HS3ST5: variants seen among roughly 807,000 people sequenced by gnomAD.
HS3ST5 encodes heparan sulfate-glucosamine 3-sulfotransferase 5.
In HS3ST5, 10 loss-of-function variants were observed where a neutral mutation model predicts 25.4. That is an observed-to-expected ratio of 0.39 (90% CI 0.24 to 0.67). The LOEUF (loss-of-function observed/expected upper bound fraction) is 0.67, where lower values mean the gene tolerates loss of function less well. Among genes scored for constraint, HS3ST5 ranks in the 30% least tolerant of loss-of-function variants. The probability of loss-of-function intolerance (pLI) is 0.44; values close to 1 mark genes in which losing one functional copy is unlikely to be tolerated. For synonymous variants in HS3ST5, 170 were observed against 162.4 expected (o/e 1.05, Z -0.36); for missense variants, 324 against 420.7 (o/e 0.77, Z 2.01).
At chr6:114,218,863 A>G (rs1781894789) in intron 2 of HS3ST5, among the ~76,000 whole-genome samples, 1 of 152,220 alleles carries the variant, frequency 6.6e-6, no homozygotes, top group Non-Finnish European at 1.5e-5. Flanking sequence ...TTATTTAGAT[A>G]TGAAATATAG....
At chr6:114,277,081 C>CA (rs1773889286) in intron 1 of HS3ST5, among the ~76,000 whole-genome samples, 1 of 151,904 alleles carries the variant, frequency 6.6e-6, no homozygotes, top group South Asian at 2.1e-4. Flanking sequence ...ATTCTATAGT[C>CA]AGAGTATTTT....
intron 1 of HS3ST5, among the ~76,000 whole-genome samples, chr6:114,291,038 G>A (rs944084635): frequency 5.3e-5 from 8 of 151,948 alleles, no homozygotes; most frequent in African/African-American, 1.7e-4. Context: ...GGTACACCAG[G>A]TACTCTTTCT....
intron 1 of HS3ST5, among the ~76,000 whole-genome samples, chr6:114,266,600 C>T (rs1216334476): frequency 3.3e-5 from 5 of 152,194 alleles, no homozygotes; most frequent in South Asian, 2.1e-4. Flanking sequence ...CATCAAATTA[C>T]GAAGAACAGA....
intron 2 of HS3ST5, among the ~76,000 whole-genome samples, chr6:114,188,212 G>A (rs1032970391): frequency 6.6e-6 from 1 of 152,048 alleles, no homozygotes; most frequent in Non-Finnish European, 1.5e-5. Context: ...GGGGTAAGTC[G>A]ACACTTATCC....
chr6:114,072,474 G>T (rs527756260), intron 3 of HS3ST5, among the ~76,000 whole-genome samples: 1 of 152,054 alleles, frequency 6.6e-6, no homozygotes, highest in Non-Finnish European at 1.5e-5. Flanking sequence ...TAAAGCAAAG[G>T]TAATAAATTT....
chr6:114,187,595 C>G (rs1009572507), intron 2 of HS3ST5, among the ~76,000 whole-genome samples: 1 of 152,144 alleles, frequency 6.6e-6, no homozygotes, highest in Non-Finnish European at 1.5e-5. Context: ...ATGAAATTTG[C>G]TCTTGCTGAA....
Position 114,333,987 on chromosome 6 carries a change from C to G in HS3ST5, c.-339+8208G>C, listed in dbSNP as rs555249907. Among the ~76,000 whole-genome samples, 3 of 152,266 alleles carry G rather than the reference C, an allele frequency of 2.0e-5. 1 individual carries two copies. The East Asian group carries it at 5.8e-4, about 29-fold the overall frequency. ...TCAGTCCCACATACAACCTTGTACCCGTCTTGTGCTCTGCCTCTGCCCAGT... is the reference window on the plus strand; with the variant it reads ...TCAGTCCCACATACAACCTTGTACCGGTCTTGTGCTCTGCCTCTGCCCAGT... On this transcript the variant is annotated intron_variant, in intron 1 of 4. Coordinates refer to ENST00000312719, the MANE Select transcript of HS3ST5 (RefSeq NM_153612.4).
Position 114,341,187 on chromosome 6 carries a change from G to A in HS3ST5, c.-339+1008C>T, listed in dbSNP as rs78577868. Among the ~76,000 whole-genome samples the A allele has an allele frequency of 6.5e-3, 412 of 63,000 alleles. 1 individual carries two copies. The highest frequency in any genetic ancestry group is 8.4e-3 in the African/African-American group (107 of 12,796). The allele number at this position is 63,000 out of a possible 152,430, so 41.3% of individuals were successfully genotyped here. ...GGGAGGGAGGGAGGGAGAGGGAGAG[G>A]GAGAGGGAGAGGGAGAGGGAATAGG... is the stretch of plus-strand genomic sequence containing the variant. On this transcript the variant is annotated intron_variant, in intron 1 of 4. Transcript: ENST00000312719.
chr6:114,218,781 T>A (rs1463232399), intron 2 of HS3ST5, among the ~76,000 whole-genome samples: 2 of 152,238 alleles, frequency 1.3e-5, no homozygotes, highest in Non-Finnish European at 2.9e-5. Context: ...GGAAATATAC[T>A]CTTGCTGTTA....
chr6:114,067,425 T>G (rs1773518701), intron 3 of HS3ST5, among the ~76,000 whole-genome samples: 1 of 152,178 alleles, frequency 6.6e-6, no homozygotes, highest in Admixed American at 6.5e-5. Flanking sequence ...GAAGAAGTAG[T>G]GCAAGATTTA....
At chr6:114,134,991 G>C (rs1777522824) in intron 3 of HS3ST5, among the ~76,000 whole-genome samples, 1 of 152,224 alleles carries the variant, frequency 6.6e-6, no homozygotes, top group Admixed American at 6.5e-5. Context: ...AACACCAGGG[G>C]AGCAGGTGGA....
At position 114,342,610 on chromosome 6, in the gene HS3ST5, C is replaced by CGG. The variant is rs1776935533; in HGVS notation, c.-755_-754insCC. On this transcript the variant is annotated 5_prime_UTR_variant, in exon 1 of 5. The change abolishes the stop of an existing upstream ORF in the 5' untranslated region. Coordinates refer to ENST00000312719, the MANE Select transcript of HS3ST5 (RefSeq NM_153612.4). ...GCGGCCGCAGGAGCCGGAGTCCGCG[C>CGG]AGTGCCGGAGACCGCAGCCGCTCTG... 1 of 153,786 alleles carries CGG rather than the reference C, an allele frequency of 6.5e-6. No individual in the cohort carries two copies. The highest frequency in any genetic ancestry group is 6.5e-5 in the Admixed American group (1 of 15,284). The allele number at this position is 153,786 out of a possible 1,614,324, so 9.5% of individuals were successfully genotyped here.
At chr6:114,252,465 A>G (rs1200074636) in intron 1 of HS3ST5, among the ~76,000 whole-genome samples, 1 of 152,218 alleles carries the variant, frequency 6.6e-6, no homozygotes, top group African/African-American at 2.4e-5. Context: ...TTGTTTAAGA[A>G]TATCCTGAAC....
At chr6:114,162,688 C>A (rs1414673199) in intron 3 of HS3ST5, among the ~76,000 whole-genome samples, 12 of 152,286 alleles carry the variant, frequency 7.9e-5, no homozygotes, top group Admixed American at 4.6e-4. Flanking sequence ...CTTGCACAAA[C>A]CTTCAGAACA....
intron 1 of HS3ST5, among the ~76,000 whole-genome samples, chr6:114,277,469 T>C (rs1320258255): frequency 6.8e-6 from 1 of 146,610 alleles, no homozygotes; most frequent in Non-Finnish European, 1.5e-5. Context: ...ACCAACCTAA[T>C]ACACTGCTGC....
At chr6:114,210,447 A>T (rs927834649) in intron 2 of HS3ST5, among the ~76,000 whole-genome samples, 1 of 152,220 alleles carries the variant, frequency 6.6e-6, no homozygotes, top group African/African-American at 2.4e-5. Flanking sequence ...TCTCCAGCTT[A>T]AGCAGCGGCA....
intron 3 of HS3ST5, among the ~76,000 whole-genome samples, chr6:114,161,236 T>C (rs1166937718): frequency 6.6e-6 from 1 of 151,816 alleles, no homozygotes; most frequent in Non-Finnish European, 1.5e-5. Context: ...TTCTCATAAA[T>C]GGACAATAGT....
intron 3 of HS3ST5, among the ~76,000 whole-genome samples, chr6:114,116,705 A>G (rs947784453): frequency 1.3e-5 from 2 of 152,046 alleles, no homozygotes; most frequent in Non-Finnish European, 2.9e-5. Context: ...GCCATCCAGA[A>G]CTAATGGAAC....
chr6:114,309,928 T>C (rs1202791273), intron 1 of HS3ST5, among the ~76,000 whole-genome samples: 2 of 152,322 alleles, frequency 1.3e-5, no homozygotes, highest in Admixed American at 6.5e-5. Flanking sequence ...TTCATAAATA[T>C]AAAGTACATC....
Sources: allele counts gnomAD v4.1 joint callset (sites outside exome capture counted in the v4.1 genomes callset), GRCh38; gene constraint gnomAD v4.1.1; transcripts MANE v1.5; gene names NCBI Gene and HGNC (gene_info 2026-07-23, HGNC 2026-07-21).